GABRA2: variants seen among roughly 807,000 people sequenced by gnomAD.
The protein encoded by GABRA2 is gamma-aminobutyric acid receptor subunit alpha-2.
Under a neutral mutation model 48.7 loss-of-function variants are expected in GABRA2, and 16 were observed. The observed-to-expected ratio is 0.33, with a 90% CI of 0.22 to 0.50. The LOEUF is 0.50. GABRA2 is among the 20% of genes least tolerant of loss of function. The pLI is 0.98. For missense variants in GABRA2, 275 were observed against 535.6 expected, an observed-to-expected ratio of 0.51 and a Z score of 4.80; for synonymous variants, 185 against 184.5, an observed-to-expected ratio of 1.00 and a Z score of -0.02.
chr4:46,356,742 C>A (rs962199427), intron 3 of GABRA2, among the ~76,000 whole-genome samples: 1 of 152,276 alleles, frequency 6.6e-6, no homozygotes. Context: ...TGATCTACTG[C>A]TGGAATAACA....
intron 6 of GABRA2, among the ~76,000 whole-genome samples, chr4:46,307,894 G>A (rs1447601556): frequency 6.6e-6 from 1 of 152,104 alleles, no homozygotes; most frequent in African/African-American, 2.4e-5. Flanking sequence ...CCCGAAGAGG[G>A]CGAGTTATAT....
chr4:46,390,031 G>T lies in GABRA2; in HGVS notation c.-307C>A. 1 of 452,984 alleles carries T rather than the reference G, an allele frequency of 2.2e-6. No individual in the cohort carries two copies. The highest frequency in any genetic ancestry group is 9.7e-5 in the South Asian group (1 of 10,314). 28.1% of individuals were successfully genotyped at this position (452,984 alleles called of 1,614,324 possible). A position where few individuals can be genotyped will look rare whatever the true frequency, so the allele number is the denominator to read the frequency against. Reference sequence around the variant, plus strand: ...GGAGGAGGAGGAAGAGGAGGAGGGGGAAAACGATGACAGGAGCTGGGGCCG... The same window carrying T: ...GGAGGAGGAGGAAGAGGAGGAGGGGTAAAACGATGACAGGAGCTGGGGCCG... On this transcript the variant is annotated 5_prime_UTR_variant, in exon 1 of 10. Coordinates refer to ENST00000381620, the MANE Select transcript of GABRA2 (RefSeq NM_000807.4).
chr4:46,376,949 C>T (rs1051459242), intron 3 of GABRA2, among the ~76,000 whole-genome samples: 1 of 152,156 alleles, frequency 6.6e-6, no homozygotes, highest in African/African-American at 2.4e-5. Flanking sequence ...GTTGGCTGGG[C>T]TGATCTCCAG....
At chr4:46,314,124 A>G (rs995489305) in intron 4 of GABRA2, among the ~76,000 whole-genome samples, 2 of 152,078 alleles carry the variant, frequency 1.3e-5, no homozygotes, top group Non-Finnish European at 2.9e-5. Context: ...TTAACTCTAA[A>G]CATTAAATGG....
At position 46,389,679 on chromosome 4, in the gene GABRA2, C is replaced by A. The variant is rs114158248; in HGVS notation, c.-11+56G>T. On this transcript the variant is annotated intron_variant, in intron 1 of 9. Transcript: ENST00000381620. ...GGTGGGGGGAGATGAGGCATGCACGCGAGGCAAAGACAAACAGGAAAGTGT... is the reference window on the plus strand; with the variant it reads ...GGTGGGGGGAGATGAGGCATGCACGAGAGGCAAAGACAAACAGGAAAGTGT... The A allele has an allele frequency of 1.9e-3, 1,792 of 946,784 alleles. 15 individuals carry two copies. The African/African-American group carries it at 0.026, about 14-fold the overall frequency. 58.6% of individuals were successfully genotyped at this position (946,784 alleles called of 1,614,324 possible).
Position 46,378,159 on chromosome 4 carries a change from A to G in GABRA2, c.187+7915T>C, listed in dbSNP as rs868532296. 5.6e-3 allele frequency among the ~76,000 whole-genome samples: 855 copies of G among 151,554 alleles called. 2 individuals carry two copies. Among genetic ancestry groups the G allele is most frequent in the Non-Finnish European group, 8.1e-3 (548 of 67,810 alleles). The stretch of plus-strand genomic sequence containing the variant: ...GGCCACCACCCCGTCTGGGAGGTGT[A>G]CCCAACAGCTCATTGAGAACGGGCC... On this transcript the variant is annotated intron_variant, in intron 3 of 9. Transcript: ENST00000381620.
intron 3 of GABRA2, among the ~76,000 whole-genome samples, chr4:46,353,416 C>T (rs1017103636): frequency 6.6e-6 from 1 of 152,050 alleles, no homozygotes; most frequent in Non-Finnish European, 1.5e-5. Flanking sequence ...ATAAGAAAAT[C>T]AAATCGTGCC....
chr4:46,291,112 G>A (rs1323441329), intron 8 of GABRA2, among the ~76,000 whole-genome samples: 1 of 152,192 alleles, frequency 6.6e-6, no homozygotes, highest in Non-Finnish European at 1.5e-5. Flanking sequence ...GTTAGGAAGT[G>A]TTCTTTAAAC....
At chr4:46,360,598 C>CT (rs1713025781) in intron 3 of GABRA2, among the ~76,000 whole-genome samples, 1 of 152,120 alleles carries the variant, frequency 6.6e-6, no homozygotes, top group Admixed American at 6.5e-5. Flanking sequence ...TGAAAATGGA[C>CT]TAATACAGTA....
intron 8 of GABRA2, among the ~76,000 whole-genome samples, chr4:46,290,929 T>C (rs1280332629): frequency 6.6e-6 from 1 of 152,212 alleles, no homozygotes; most frequent in Non-Finnish European, 1.5e-5. Flanking sequence ...CCCTTGTTTA[T>C]CTAAGTTCCA....
intron 8 of GABRA2, among the ~76,000 whole-genome samples, chr4:46,263,915 T>C (rs1717563237): frequency 5.2e-5 from 1 of 19,152 alleles, no homozygotes; most frequent in Non-Finnish European, 9.7e-5. Flanking sequence ...AGATCAATTC[T>C]CTCTCTCTCT....
intron 3 of GABRA2, among the ~76,000 whole-genome samples, chr4:46,335,608 G>C (rs761080896): frequency 1.3e-5 from 2 of 152,066 alleles, no homozygotes; most frequent in Non-Finnish European, 2.9e-5. Flanking sequence ...CAAGTAACTG[G>C]GACTACAGAC....
intron 9 of GABRA2, chr4:46,256,423 A>T (rs1715849949): frequency 2.1e-6 from 1 of 471,362 alleles, no homozygotes; most frequent in Non-Finnish European, 3.8e-6. Context: ...ATTGGGAAAA[A>T]TTTGACATCA....
chr4:46,331,576 T>C (rs1318482971), intron 4 of GABRA2, among the ~76,000 whole-genome samples: 19 of 152,188 alleles, frequency 1.2e-4, no homozygotes, highest in Admixed American at 1.2e-3. Flanking sequence ...TCATCAAAAA[T>C]GTCTATTACA....
At chr4:46,351,978 T>G (rs552943895) in intron 3 of GABRA2, among the ~76,000 whole-genome samples, 1 of 99,232 alleles carries the variant, frequency 1.0e-5, no homozygotes, top group South Asian at 4.2e-4. Context: ...AACTGGGTTT[T>G]TTTTTTTTAC....
chr4:46,256,993 A>G (rs1715968719), intron 9 of GABRA2, among the ~76,000 whole-genome samples: 1 of 151,634 alleles, frequency 6.6e-6, no homozygotes, highest in Admixed American at 6.6e-5. Flanking sequence ...ATTGAAAGCA[A>G]TCTCAAGGAA....
intron 8 of GABRA2, among the ~76,000 whole-genome samples, chr4:46,301,036 T>C (rs1725646962): frequency 6.6e-6 from 1 of 152,128 alleles, no homozygotes; most frequent in Non-Finnish European, 1.5e-5. Context: ...ATAAATTAGA[T>C]CTGGAGATCT....
intron 3 of GABRA2, among the ~76,000 whole-genome samples, chr4:46,358,013 G>T (rs1736284231): frequency 6.6e-6 from 1 of 152,030 alleles, no homozygotes. Flanking sequence ...GTTAGTATGA[G>T]TATAAAACAT....
chr4:46,250,409 T>C lies in GABRA2; in HGVS notation c.1255A>G (p.Arg419Gly). The C allele has an allele frequency of 1.2e-6, 2 of 1,611,842 alleles. No homozygotes were observed. Among genetic ancestry groups the C allele is most frequent in the Non-Finnish European group, 1.7e-6 (2 of 1,178,540 alleles). ...ACTGGAAAAACTATTCTGGACATTC[T>C]GTCAATTTTGCTAACACTGTTGAAA... Reference protein sequence around the residue: ...KTFNSVSKIDRMSRIVFPVLF... With the variant: ...KTFNSVSKIDGMSRIVFPVLF... Residue 419 changes from arginine (R) to glycine (G), a missense_variant, in exon 10 of 10, where the codon AGA (arginine) becomes GGA (glycine). Transcript: ENST00000381620.
Sources: allele counts gnomAD v4.1 joint callset (sites outside exome capture counted in the v4.1 genomes callset), GRCh38; gene constraint gnomAD v4.1.1; transcripts MANE v1.5; gene names NCBI Gene and HGNC (gene_info 2026-07-23, HGNC 2026-07-21).